TLL2: variants seen among roughly 807,000 people sequenced by gnomAD.
The protein encoded by TLL2 is tolloid-like protein 2.
Under a neutral mutation model 123.0 loss-of-function variants are expected in TLL2, and 106 were observed. That is an observed-to-expected ratio of 0.86 (90% CI 0.74 to 1.01). The LOEUF (loss-of-function observed/expected upper bound fraction) is 1.01, where lower values mean the gene tolerates loss of function less well. Among genes scored for constraint, TLL2 ranks in the 50% least tolerant of loss-of-function variants. The pLI is 0.00. For missense variants in TLL2, 1,332 were observed against 1,336.7 expected (o/e 1.00, Z 0.06); for synonymous variants, 494 against 516.8 (o/e 0.96, Z 0.60).
intron 2 of TLL2, among the ~76,000 whole-genome samples, chr10:96,461,974 A>C (rs965789118): frequency 6.6e-6 from 1 of 152,246 alleles, no homozygotes; most frequent in East Asian, 1.9e-4. Context: ...CATCCTCTGC[A>C]TCTCCACCCA....
intron 18 of TLL2, 46 bp from the exon 19 acceptor site, chr10:96,373,855 C>G: frequency 6.3e-7 from 1 of 1,578,194 alleles, no homozygotes; most frequent in Non-Finnish European, 8.6e-7. Flanking sequence ...TGGCGTTCAG[C>G]TGGGGTGGGG....
chr10:96,374,972 G>T (rs1350934840), intron 18 of TLL2, among the ~76,000 whole-genome samples: 17 of 131,318 alleles, frequency 1.3e-4, no homozygotes, highest in South Asian at 2.6e-4. Context: ...GGGGGGGGGG[G>T]GGGGGTGTCA....
intron 2 of TLL2, among the ~76,000 whole-genome samples, chr10:96,467,307 C>A (rs1294930688): frequency 6.6e-6 from 1 of 152,134 alleles, no homozygotes; most frequent in Non-Finnish European, 1.5e-5. Context: ...CACCATACAG[C>A]CTGGAAATCC....
intron 3 of TLL2, among the ~76,000 whole-genome samples, chr10:96,442,675 C>T (rs1448124558): frequency 1.3e-5 from 2 of 152,186 alleles, no homozygotes; most frequent in African/African-American, 4.8e-5. Flanking sequence ...CCCTGAAAAG[C>T]CCAAGATTTT....
intron 13 of TLL2, 150 bp from the exon 14 acceptor site, chr10:96,387,228 C>T (rs1697120497): frequency 9.0e-7 from 1 of 1,116,606 alleles, no homozygotes; most frequent in South Asian, 1.5e-5. Flanking sequence ...CCATGTCCAC[C>T]TCTGAAAACC....
chr10:96,456,548 C>T (rs1453305324), intron 2 of TLL2, among the ~76,000 whole-genome samples: 1 of 152,186 alleles, frequency 6.6e-6, no homozygotes, highest in East Asian at 1.9e-4. Context: ...ACAGTCAGAC[C>T]TCTCAGCCGC....
At chr10:96,504,296 G>T (rs552478822) in intron 1 of TLL2, among the ~76,000 whole-genome samples, 5 of 152,308 alleles carry the variant, frequency 3.3e-5, no homozygotes, top group South Asian at 2.1e-4. Flanking sequence ...ATTCATGGAA[G>T]ATTTAAGTTT....
At chr10:96,388,357 C>A (rs374487747) in intron 13 of TLL2, among the ~76,000 whole-genome samples, 1 of 151,954 alleles carries the variant, frequency 6.6e-6, no homozygotes, top group African/African-American at 2.4e-5. Context: ...GCTGAGATTG[C>A]GCCACTGCAC....
At chr10:96,494,042 T>G (rs967163456) in intron 1 of TLL2, among the ~76,000 whole-genome samples, 1 of 152,000 alleles carries the variant, frequency 6.6e-6, no homozygotes, top group African/African-American at 2.4e-5. Context: ...GGATTCAAGG[T>G]GAGGACTGAC....
At chr10:96,506,176 C>T (rs964398254) in intron 1 of TLL2, among the ~76,000 whole-genome samples, 1 of 129,120 alleles carries the variant, frequency 7.7e-6, no homozygotes, top group South Asian at 2.7e-4. Flanking sequence ...CAATTGAATC[C>T]GGGAAGTGGA....
rs1369601999 is a variant in TLL2 at position 96,459,694 on chromosome 10, AAAAAAAAAAAAATATATATAT to A, written c.287-13547_287-13527del. Among the ~76,000 whole-genome samples the A allele has an allele frequency of 1.4e-3, 105 of 72,886 alleles. 2 individuals carry two copies. The highest frequency in any genetic ancestry group is 5.3e-3 in the African/African-American group (100 of 18,864). The allele number at this position is 72,886 out of a possible 152,430, so 47.8% of individuals were successfully genotyped here. On this transcript the variant is annotated intron_variant, in intron 2 of 20. Coordinates refer to ENST00000357947, the MANE Select transcript of TLL2 (RefSeq NM_012465.4). ...CAAAAAAAAAAAAAAAAAAAAAAAA[AAAAAAAAAAAAATATATATAT>A]ATATATATATATATATAGCAGCTAA...
At chr10:96,448,066 C>T (rs1459598119) in intron 2 of TLL2, among the ~76,000 whole-genome samples, 1 of 152,180 alleles carries the variant, frequency 6.6e-6, no homozygotes, top group African/African-American at 2.4e-5. Context: ...CCATCACTTT[C>T]CCTCTCTGTG....
At chr10:96,463,761 G>A (rs372660505) in intron 2 of TLL2, among the ~76,000 whole-genome samples, 4 of 152,208 alleles carry the variant, frequency 2.6e-5, no homozygotes, top group East Asian at 1.9e-4. Context: ...CGCAGCTCAC[G>A]GCCCCACATG....
intron 10 of TLL2, among the ~76,000 whole-genome samples, chr10:96,401,851 C>T (rs1359782170): frequency 6.6e-6 from 1 of 152,110 alleles, no homozygotes; most frequent in Non-Finnish European, 1.5e-5. Context: ...TAGAGAGTTG[C>T]CAGATTTAGC....
chr10:96,513,886 G>C lies in TLL2; in HGVS notation c.-201C>G. 1.8e-6 allele frequency: 1 copy of C among 563,964 alleles called. No individual in the cohort carries two copies. Among genetic ancestry groups the C allele is most frequent in the Non-Finnish European group, 2.9e-6 (1 of 345,290 alleles). The allele number at this position is 563,964 out of a possible 1,614,324, so 34.9% of individuals were successfully genotyped here. ...GGCAACCGGGAAGCAGCCGCTCGGAGCTACTTGCCCGGCGGCCGAGGCTGC... is the reference window on the plus strand; with the variant it reads ...GGCAACCGGGAAGCAGCCGCTCGGACCTACTTGCCCGGCGGCCGAGGCTGC... On this transcript the variant is annotated 5_prime_UTR_variant, in exon 1 of 21. Transcript: ENST00000357947.
chr10:96,453,798 A>C (rs140986403), intron 2 of TLL2, among the ~76,000 whole-genome samples: 5 of 152,306 alleles, frequency 3.3e-5, no homozygotes, highest in Admixed American at 3.3e-4. Context: ...AATAGGCAAA[A>C]AACATGCCGA....
At position 96,407,641 on chromosome 10, in the gene TLL2, C is replaced by T. The variant is rs568030960; in HGVS notation, c.1165-2307G>A. 4.6e-5 allele frequency among the ~76,000 whole-genome samples: 7 copies of T among 152,360 alleles called. No homozygotes were observed. In the East Asian group the frequency reaches 5.8e-4, roughly 13 times the overall value. On this transcript the variant is annotated intron_variant, in intron 9 of 20. Coordinates refer to ENST00000357947, the MANE Select transcript of TLL2 (RefSeq NM_012465.4). Reference sequence around the variant, plus strand: ...ACCACAACTAACACTAACCACACCTCGCAAGCTGCCCATCTTGATTAGTGT... The same window carrying T: ...ACCACAACTAACACTAACCACACCTTGCAAGCTGCCCATCTTGATTAGTGT...
At chr10:96,482,687 T>A (rs528314124) in intron 1 of TLL2, among the ~76,000 whole-genome samples, 158 of 152,368 alleles carry the variant, frequency 1.0e-3, no homozygotes, top group South Asian at 3.1e-3. Flanking sequence ...GGATCGACTG[T>A]AAATGAACAT....
At chr10:96,412,585 G>A (rs1006977793) in intron 8 of TLL2, among the ~76,000 whole-genome samples, 4 of 152,130 alleles carry the variant, frequency 2.6e-5, no homozygotes, top group African/African-American at 9.7e-5. Flanking sequence ...ACGGGCCAGG[G>A]AACAGGCATT....
Sources: gnomAD v4.1 joint callset for allele counts (sites outside exome capture counted in the v4.1 genomes callset) on GRCh38, gnomAD v4.1.1 for gene constraint, MANE v1.5 for transcripts, NCBI Gene and HGNC (gene_info 2026-07-23, HGNC 2026-07-21) for gene names.